The following LRMDA variants were observed in gnomAD, a reference collection of about 807,000 sequenced individuals.
The protein encoded by LRMDA is leucine-rich melanocyte differentiation-associated protein.
In LRMDA, 18 loss-of-function variants were observed where a neutral mutation model predicts 29.8. That is an observed-to-expected ratio of 0.60 (90% CI 0.42 to 0.90). The LOEUF (loss-of-function observed/expected upper bound fraction) is 0.90, where lower values mean the gene tolerates loss of function less well. Among genes scored for constraint, LRMDA ranks in the 40% least tolerant of loss-of-function variants. LRMDA has a pLI of 0.00. For synonymous variants in LRMDA, 125 were observed against 109.4 expected, an observed-to-expected ratio of 1.14 and a Z score of -0.89; for missense variants, 273 against 273.9, an observed-to-expected ratio of 1.00 and a Z score of 0.02.
intron 2 of LRMDA, among the ~76,000 whole-genome samples, chr10:75,922,656 A>G (rs1477460157): frequency 6.6e-6 from 1 of 152,096 alleles, no homozygotes; most frequent in African/African-American, 2.4e-5. Flanking sequence ...TGTGGGCATA[A>G]CTCACTGACT....
At chr10:75,831,023 C>T (rs1312416532) in intron 2 of LRMDA, among the ~76,000 whole-genome samples, 1 of 152,008 alleles carries the variant, frequency 6.6e-6, no homozygotes, top group Non-Finnish European at 1.5e-5. Flanking sequence ...CCATGCAAAT[C>T]CAAAATCCAG....
At chr10:75,805,161 C>CTCCAT (rs1171535711) in intron 2 of LRMDA, among the ~76,000 whole-genome samples, 25 of 152,196 alleles carry the variant, frequency 1.6e-4, no homozygotes, top group African/African-American at 5.5e-4. Context: ...AGTGATCTAG[C>CTCCAT]CTCCATAGAC....
chr10:76,340,173 A>G (rs1307836844), intron 6 of LRMDA, among the ~76,000 whole-genome samples: 3 of 152,190 alleles, frequency 2.0e-5, no homozygotes, highest in Non-Finnish European at 2.9e-5. Flanking sequence ...ATATTGGCAT[A>G]TTAAAAAAGA....
intron 2 of LRMDA, among the ~76,000 whole-genome samples, chr10:75,763,322 C>T (rs1843120591): frequency 6.6e-6 from 1 of 151,944 alleles, no homozygotes; most frequent in Non-Finnish European, 1.5e-5. Flanking sequence ...GATAGAACTA[C>T]AGGTATAATA....
intron 6 of LRMDA, among the ~76,000 whole-genome samples, chr10:76,449,264 T>C (rs1198169432): frequency 6.6e-6 from 1 of 151,872 alleles, no homozygotes; most frequent in Non-Finnish European, 1.5e-5. Context: ...TGTATAATAT[T>C]TTTCAGCTCT....
chr10:76,287,179 G>A (rs1467439301), intron 5 of LRMDA, among the ~76,000 whole-genome samples: 2 of 138,522 alleles, frequency 1.4e-5, no homozygotes, highest in African/African-American at 5.1e-5. Context: ...CTACATTTTG[G>A]TGGTGAATCT....
chr10:76,449,115 G>T (rs927603626), intron 6 of LRMDA, among the ~76,000 whole-genome samples: 1 of 151,560 alleles, frequency 6.6e-6, no homozygotes, highest in African/African-American at 2.4e-5. Context: ...ATGCCTCAGG[G>T]GTATTTGAAA....
At chr10:75,460,410 C>G (rs1048483447) in intron 2 of LRMDA, among the ~76,000 whole-genome samples, 1 of 152,040 alleles carries the variant, frequency 6.6e-6, no homozygotes, top group African/African-American at 2.4e-5. Flanking sequence ...TTGTGGTACC[C>G]TAGGGTTCCA....
At chr10:76,182,223 G>A (rs1471897195) in intron 5 of LRMDA, among the ~76,000 whole-genome samples, 1 of 152,124 alleles carries the variant, frequency 6.6e-6, no homozygotes, top group African/African-American at 2.4e-5. Flanking sequence ...ATCTTACATG[G>A]TGGCAGGATA....
chr10:75,954,255 G>A (rs1412208305), intron 2 of LRMDA, among the ~76,000 whole-genome samples: 1 of 152,148 alleles, frequency 6.6e-6, no homozygotes, highest in Non-Finnish European at 1.5e-5. Context: ...GTGATACCCT[G>A]AGCATAGAAC....
At chr10:76,473,632 A>G (rs1056181968) in intron 6 of LRMDA, among the ~76,000 whole-genome samples, 1 of 151,644 alleles carries the variant, frequency 6.6e-6, no homozygotes, top group African/African-American at 2.4e-5. Flanking sequence ...AAAAAAAAGA[A>G]AAAAGAAAAA....
At chr10:76,095,749 T>C (rs1849302657) in intron 5 of LRMDA, among the ~76,000 whole-genome samples, 1 of 152,228 alleles carries the variant, frequency 6.6e-6, no homozygotes, top group South Asian at 2.1e-4. Context: ...GTGGTCATAA[T>C]TTGCATTTTC....
At chr10:75,476,509 G>A (rs987607440) in intron 2 of LRMDA, among the ~76,000 whole-genome samples, 19 of 152,236 alleles carry the variant, frequency 1.2e-4, no homozygotes, top group African/African-American at 3.1e-4. Flanking sequence ...CTTAAGGATC[G>A]CCATGTCTGC....
At chr10:75,728,426 CTG>C (rs34902461) in intron 2 of LRMDA, among the ~76,000 whole-genome samples, 34,415 of 137,716 alleles carry the variant, frequency 0.25, 3,667 homozygotes, top group East Asian at 0.32. Context: ...ATACGTGGCT[CTG>C]TGTGTGTGTG....
chr10:76,548,077 A>T (rs1843443506), intron 6 of LRMDA, among the ~76,000 whole-genome samples: 1 of 152,222 alleles, frequency 6.6e-6, no homozygotes, highest in Admixed American at 6.5e-5. Flanking sequence ...TTTGAAAAGT[A>T]AGCGGAAAAG....
chr10:76,309,855 G>A (rs1202483629), intron 5 of LRMDA, among the ~76,000 whole-genome samples: 1 of 152,122 alleles, frequency 6.6e-6, no homozygotes, highest in Non-Finnish European at 1.5e-5. Context: ...TTAGCTATCT[G>A]TTGTATGTTT....
intron 2 of LRMDA, among the ~76,000 whole-genome samples, chr10:75,810,095 A>C (rs1272991525): frequency 6.6e-6 from 1 of 152,184 alleles, no homozygotes; most frequent in Non-Finnish European, 1.5e-5. Flanking sequence ...ACGAAACAGC[A>C]TGAGCAGAGT....
At chr10:75,736,697 G>T (rs1337083865) in intron 2 of LRMDA, among the ~76,000 whole-genome samples, 1 of 152,164 alleles carries the variant, frequency 6.6e-6, no homozygotes, top group Non-Finnish European at 1.5e-5. Context: ...GCTTCAAGAA[G>T]TTTTTTACAT....
At chr10:76,331,424 T>C (rs1840903614) in intron 6 of LRMDA, among the ~76,000 whole-genome samples, 1 of 152,186 alleles carries the variant, frequency 6.6e-6, no homozygotes, top group African/African-American at 2.4e-5. Context: ...TATTAGTCTT[T>C]CAAGAGAGCT....
Sources: allele counts gnomAD v4.1 joint callset (sites outside exome capture counted in the v4.1 genomes callset), GRCh38; gene constraint gnomAD v4.1.1; transcripts MANE v1.5; gene names NCBI Gene and HGNC (gene_info 2026-07-23, HGNC 2026-07-21).